Variants in PSORS1C1 observed in about 807,000 individuals in gnomAD.
PSORS1C1 encodes the protein psoriasis susceptibility 1 candidate 1, also known as psoriasis susceptibility 1 candidate gene 1 protein.
PSORS1C1 carries 7 observed loss-of-function variants against 9.4 expected under a neutral mutation model. The ratio of observed to expected loss-of-function variants is 0.75; its 90% CI spans 0.42 to 1.40. The LOEUF (loss-of-function observed/expected upper bound fraction) is 1.40. Among genes scored for constraint, PSORS1C1 ranks in the 40% most tolerant of loss-of-function variants. PSORS1C1 has a pLI of 0.01. For synonymous variants in PSORS1C1, 63 were observed against 69.4 expected (o/e 0.91, Z 0.46); for missense variants, 146 against 178.1 (o/e 0.82, Z 1.02).
chr6:31,134,629 G>A (rs1393869276), intron 3 of PSORS1C1, among the ~76,000 whole-genome samples: 1 of 151,638 alleles, frequency 6.6e-6, no homozygotes, highest in Non-Finnish European at 1.5e-5. Context: ...TTTAATGAGA[G>A]TTACCACATA....
intron 1 of PSORS1C1, among the ~76,000 whole-genome samples, chr6:31,122,168 T>A (rs1017519758): frequency 1.3e-5 from 2 of 152,264 alleles, no homozygotes; most frequent in African/African-American, 4.8e-5. Flanking sequence ...CATCTCCTCA[T>A]CTGTGAAATG....
At chr6:31,138,163 T>A in intron 3 of PSORS1C1, 2 of 1,595,578 alleles carry the variant, frequency 1.3e-6, no homozygotes, top group South Asian at 1.1e-5. Context: ...CTGGGGCGGG[T>A]AGGCGGAGGA....
At chr6:31,114,972 C>G (rs1772028105) in intron 1 of PSORS1C1, 81 bp downstream of exon 1, 2 of 443,584 alleles carry the variant, frequency 4.5e-6, no homozygotes, top group African/African-American at 4.0e-5. Context: ...ACTGAGGGCC[C>G]TAAATAAGGG....
At chr6:31,137,866 T>G in intron 3 of PSORS1C1, 1 of 600,912 alleles carries the variant, frequency 1.7e-6, no homozygotes, top group Non-Finnish European at 2.8e-6. Context: ...CAGGCTAAAT[T>G]GGGAAGAATT....
chr6:31,129,743 A>G, intron 3 of PSORS1C1, 98 bp downstream of exon 3: 1 of 740,320 alleles, frequency 1.4e-6, no homozygotes, highest in Non-Finnish European at 2.5e-6. Flanking sequence ...GGAGAGAAGG[A>G]AGGGATACAA....
chr6:31,129,580 T>C lies in PSORS1C1; in HGVS notation c.-53T>C, dbSNP rs1772818496. ...ACCTGCCATGTCAGCCTGGGAAGAA[T>C]TGGTTTGCAGCCAGGCAGTCCTCCA... On this transcript the variant is annotated 5_prime_UTR_variant, in exon 3 of 6. Coordinates refer to ENST00000259881, the MANE Select transcript of PSORS1C1 (RefSeq NM_014068.3). 5 of 778,868 alleles carry C rather than the reference T, an allele frequency of 6.4e-6. No individual in the cohort carries two copies. Among genetic ancestry groups the C allele is most frequent in the South Asian group, 1.3e-5 (1 of 74,418 alleles). The allele number at this position is 778,868 out of a possible 1,614,324, so 48.2% of individuals were successfully genotyped here. A position where few individuals can be genotyped will look rare whatever the true frequency, so the allele number is the denominator to read the frequency against.
chr6:31,138,935 C>A, intron 5 of PSORS1C1, 156 bp downstream of exon 5: 2 of 1,610,476 alleles, frequency 1.2e-6, no homozygotes, highest in Non-Finnish European at 8.5e-7. Flanking sequence ...TCCCTCATCA[C>A]CCCAAACTGC....
intron 2 of PSORS1C1, among the ~76,000 whole-genome samples, chr6:31,129,260 C>CT (rs1412052498): frequency 3.9e-5 from 6 of 152,114 alleles, no homozygotes; most frequent in African/African-American, 1.4e-4. Flanking sequence ...TGATCCTATT[C>CT]TGTTATTTAA....
intron 3 of PSORS1C1, among the ~76,000 whole-genome samples, chr6:31,130,234 T>C (rs1300793226): frequency 4.0e-5 from 6 of 151,836 alleles, no homozygotes; most frequent in Admixed American, 3.9e-4. Context: ...CCCAGAGATG[T>C]ATGTGTTTCT....
chr6:31,137,165 A>G (rs1773180239), intron 3 of PSORS1C1, among the ~76,000 whole-genome samples: 1 of 138,644 alleles, frequency 7.2e-6, no homozygotes, highest in Admixed American at 7.4e-5. Context: ...AGAAAGAAAA[A>G]GAAGAAAGAG....
At chr6:31,117,583 C>T (rs1158184512) in intron 1 of PSORS1C1, 3 of 1,453,618 alleles carry the variant, frequency 2.1e-6, no homozygotes, top group South Asian at 1.2e-5. Context: ...CTTCCTCCCT[C>T]ACCTTTCTGC....
chr6:31,136,974 C>T (rs1302490637), intron 3 of PSORS1C1, among the ~76,000 whole-genome samples: 4 of 122,106 alleles, frequency 3.3e-5, no homozygotes, highest in Admixed American at 7.7e-5. Context: ...CATGGTGAAA[C>T]CCCATCTCTA....
At chr6:31,134,172 G>A (rs894845433) in intron 3 of PSORS1C1, among the ~76,000 whole-genome samples, 1 of 151,090 alleles carries the variant, frequency 6.6e-6, no homozygotes, top group African/African-American at 2.4e-5. Flanking sequence ...GTAGAGACAG[G>A]GATTCACCAT....
At chr6:31,120,521 A>T in intron 1 of PSORS1C1, 1 of 1,061,004 alleles carries the variant, frequency 9.4e-7, no homozygotes, top group Non-Finnish European at 1.4e-6. Flanking sequence ...TGGGGAGAGG[A>T]GGAGAGGTGG....
chr6:31,116,298 G>A (rs3130982), intron 1 of PSORS1C1: 1 of 1,613,646 alleles, frequency 6.2e-7, no homozygotes, highest in Non-Finnish European at 8.5e-7. Flanking sequence ...TTTTGCCACT[G>A]GATTGGGAAC....
chr6:31,138,882 T>TC (rs1413050269), intron 5 of PSORS1C1, 103 bp downstream of exon 5: 1 of 1,600,408 alleles, frequency 6.2e-7, no homozygotes, highest in Non-Finnish European at 8.6e-7. Context: ...TGAATTCCTG[T>TC]CCCCAACCCC....
intron 2 of PSORS1C1, among the ~76,000 whole-genome samples, chr6:31,127,907 C>G (rs1772756095): frequency 6.6e-6 from 1 of 152,252 alleles, no homozygotes; most frequent in Non-Finnish European, 1.5e-5. Context: ...AGGTGACATC[C>G]TACTACAGAT....
At position 31,119,072 on chromosome 6, in the gene PSORS1C1, A is replaced by T. The variant is rs3132549; in HGVS notation, c.-229+4181A>T. On this transcript the variant is annotated intron_variant, in intron 1 of 5. Coordinates refer to ENST00000259881, the MANE Select transcript of PSORS1C1 (RefSeq NM_014068.3). The stretch of plus-strand genomic sequence containing the variant: ...TTGGCCAGGCTGGTCTTGAACTCCT[A>T]ACCTCAGGCGATTCACCTGCCTTGG... Among the ~76,000 whole-genome samples the T allele has an allele frequency of 5.5e-3, 829 of 151,826 alleles. 15 individuals carry two copies. In the South Asian group the frequency reaches 0.067, roughly 12 times the overall value.
At chr6:31,120,330 C>T (rs771102940) in intron 1 of PSORS1C1, 14 of 1,574,186 alleles carry the variant, frequency 8.9e-6, no homozygotes, top group African/African-American at 1.3e-5. Context: ...CCCCCAGCCT[C>T]CTACCTGGCA....
Sources: allele counts gnomAD v4.1 joint callset (sites outside exome capture counted in the v4.1 genomes callset), GRCh38; gene constraint gnomAD v4.1.1; transcripts MANE v1.5; gene names NCBI Gene and HGNC (gene_info 2026-07-23, HGNC 2026-07-21).